LRRC7: variants seen among roughly 807,000 people sequenced by gnomAD.
LRRC7 encodes the protein leucine-rich repeat-containing protein 7.
Under a neutral mutation model 175.7 loss-of-function variants are expected in LRRC7, and 23 were observed. The ratio of observed to expected loss-of-function variants is 0.13; its 90% CI spans 0.09 to 0.19. The LOEUF (loss-of-function observed/expected upper bound fraction) is 0.19, where lower values mean the gene tolerates loss of function less well. Among genes scored for constraint, LRRC7 ranks in the 10% least tolerant of loss-of-function variants. The probability of loss-of-function intolerance (pLI) is 1.00; values close to 1 mark genes in which losing one functional copy is unlikely to be tolerated. For missense variants in LRRC7, 1,354 were observed against 1,904.7 expected (o/e 0.71, Z 5.38); for synonymous variants, 685 against 680.9 (o/e 1.01, Z -0.09).
chr1:69,569,320 T>C (rs1011809059), intron 1 of LRRC7, among the ~76,000 whole-genome samples: 16 of 152,038 alleles, frequency 1.1e-4, no homozygotes, highest in Admixed American at 2.0e-4. Context: ...TCCCTCCCTG[T>C]CAGCTAGACA....
intron 1 of LRRC7, among the ~76,000 whole-genome samples, chr1:69,656,256 TTACTC>T (rs761002509): frequency 6.6e-5 from 10 of 152,132 alleles, no homozygotes; most frequent in Admixed American, 3.3e-4. Flanking sequence ...CCCACAAACA[TTACTC>T]TAAGGAAATT....
chr1:70,098,115 C>A (rs1664544931), intron 25 of LRRC7, among the ~76,000 whole-genome samples: 1 of 152,060 alleles, frequency 6.6e-6, no homozygotes. Flanking sequence ...ACATCCTCTC[C>A]AGCACCTGTT....
At chr1:69,621,423 G>GT (rs1156387017) in intron 1 of LRRC7, among the ~76,000 whole-genome samples, 3 of 152,072 alleles carry the variant, frequency 2.0e-5, no homozygotes, top group African/African-American at 7.2e-5. Context: ...GATTCTATTA[G>GT]TTCTTACATA....
chr1:69,855,652 C>T (rs1216869851), intron 7 of LRRC7, among the ~76,000 whole-genome samples: 2 of 151,948 alleles, frequency 1.3e-5, no homozygotes, highest in African/African-American at 2.4e-5. Flanking sequence ...CTGCTTGGTG[C>T]GGAGCTGAGT....
chr1:69,709,680 A>G (rs1796973), intron 2 of LRRC7, among the ~76,000 whole-genome samples: 1 of 152,142 alleles, frequency 6.6e-6, no homozygotes, highest in Non-Finnish European at 1.5e-5. Context: ...TTTAAGAAAT[A>G]CTCTGTATGA....
intron 17 of LRRC7, 29 bp from the exon 18 acceptor site, chr1:70,028,142 A>G: frequency 6.4e-7 from 1 of 1,573,922 alleles, no homozygotes; most frequent in South Asian, 1.1e-5. Context: ...AGTTATTTTT[A>G]TGTTAAATTT....
chr1:69,680,303 G>A (rs1343802758), intron 2 of LRRC7, among the ~76,000 whole-genome samples: 2 of 152,088 alleles, frequency 1.3e-5, no homozygotes, highest in Non-Finnish European at 2.9e-5. Flanking sequence ...GACATCAGAC[G>A]ATACTAAATC....
chr1:69,882,080 A>G (rs913375398), intron 7 of LRRC7, among the ~76,000 whole-genome samples: 1 of 151,972 alleles, frequency 6.6e-6, no homozygotes, highest in African/African-American at 2.4e-5. Context: ...ATGTAAATAA[A>G]CATTTTTCCA....
chr1:70,060,466 T>C (rs1243519755), intron 23 of LRRC7, among the ~76,000 whole-genome samples: 1 of 152,240 alleles, frequency 6.6e-6, no homozygotes, highest in Non-Finnish European at 1.5e-5. Flanking sequence ...TTTGGTTTTG[T>C]AATTTAACTG....
At chr1:70,007,655 C>CATCT (rs1395531489) in intron 11 of LRRC7, among the ~76,000 whole-genome samples, 4 of 152,130 alleles carry the variant, frequency 2.6e-5, no homozygotes, top group Non-Finnish European at 5.9e-5. Context: ...ACAGTGTGAA[C>CATCT]ATCTTTTCTT....
chr1:70,011,269 A>G (rs541011827), intron 11 of LRRC7, among the ~76,000 whole-genome samples: 1 of 152,068 alleles, frequency 6.6e-6, no homozygotes, highest in South Asian at 2.1e-4. Context: ...CAATTTTCTT[A>G]TCTGTAAAAT....
intron 2 of LRRC7, among the ~76,000 whole-genome samples, chr1:69,744,901 A>G (rs1030814616): frequency 6.6e-6 from 1 of 151,956 alleles, no homozygotes; most frequent in Non-Finnish European, 1.5e-5. Flanking sequence ...AATGCTGTAA[A>G]TTCCATTAGT....
chr1:70,033,622 C>T (rs1166301153), intron 18 of LRRC7, among the ~76,000 whole-genome samples: 1 of 152,158 alleles, frequency 6.6e-6, no homozygotes, highest in Non-Finnish European at 1.5e-5. Flanking sequence ...TTTTGATTCA[C>T]AATAGAAATT....
At chr1:69,763,321 G>A (rs774647358) in intron 3 of LRRC7, among the ~76,000 whole-genome samples, 2 of 151,968 alleles carry the variant, frequency 1.3e-5, no homozygotes, top group Non-Finnish European at 2.9e-5. Context: ...TAGTTCTAGA[G>A]TTCACCTCCA....
chr1:69,841,186 A>C (rs1320767597), intron 7 of LRRC7, among the ~76,000 whole-genome samples: 1 of 151,902 alleles, frequency 6.6e-6, no homozygotes, highest in Non-Finnish European at 1.5e-5. Context: ...ATAGACTGGA[A>C]GCTTTCCATT....
chr1:69,803,508 A>C (rs949494636), intron 4 of LRRC7, among the ~76,000 whole-genome samples: 3 of 151,420 alleles, frequency 2.0e-5, no homozygotes, highest in Non-Finnish European at 1.5e-5. Context: ...TAGCTTTACA[A>C]ATTGTATCAC....
chr1:69,650,876 T>C (rs1312074179), intron 1 of LRRC7, among the ~76,000 whole-genome samples: 2 of 152,224 alleles, frequency 1.3e-5, no homozygotes, highest in African/African-American at 4.8e-5. Context: ...GCTTACCTAA[T>C]TTACTGGGTA....
chr1:69,869,045 G>C (rs1196515175), intron 7 of LRRC7, among the ~76,000 whole-genome samples: 1 of 151,834 alleles, frequency 6.6e-6, no homozygotes, highest in Non-Finnish European at 1.5e-5. Flanking sequence ...CTTCAATATA[G>C]TCTTATTCTG....
At chr1:69,812,704 G>A (rs1411625846) in intron 4 of LRRC7, among the ~76,000 whole-genome samples, 1 of 151,922 alleles carries the variant, frequency 6.6e-6, no homozygotes, top group South Asian at 2.1e-4. Context: ...AACCATTTGG[G>A]CTGATGATAT....
Sources: gnomAD v4.1 joint callset for allele counts (sites outside exome capture counted in the v4.1 genomes callset) on GRCh38, gnomAD v4.1.1 for gene constraint, MANE v1.5 for transcripts, NCBI Gene and HGNC (gene_info 2026-07-23, HGNC 2026-07-21) for gene names.